Variants in B3GAT3 observed in about 807,000 individuals in gnomAD.
B3GAT3 encodes the protein galactosylgalactosylxylosylprotein 3-beta-glucuronosyltransferase 3.
In B3GAT3, 19 loss-of-function variants were observed where a neutral mutation model predicts 33.1. The observed-to-expected ratio is 0.57, with a 90% CI of 0.40 to 0.84. B3GAT3 has a LOEUF of 0.84. Ranked by LOEUF, B3GAT3 falls within the 40% of genes least tolerant of loss-of-function variation. The pLI, the probability that B3GAT3 is intolerant of heterozygous loss-of-function variation, is 0.00. For missense variants in B3GAT3, 344 were observed against 441.5 expected, an observed-to-expected ratio of 0.78 and a Z score of 1.98; for synonymous variants, 167 against 193.5, an observed-to-expected ratio of 0.86 and a Z score of 1.14.
At chr11:62,616,312 A>G in intron 4 of B3GAT3, 194 bp downstream of exon 4, 1 of 784,282 alleles carries the variant, frequency 1.3e-6, no homozygotes, top group Non-Finnish European at 2.1e-6. Context: ...GGTTCCCAGA[A>G]CTCGGGGCAG....
In B3GAT3 at chr11:62,620,508, G is replaced by A. The variant is rs1378423363; in HGVS notation, c.246C>T (p.Pro82=). 6.2e-7 allele frequency: 1 copy of A among 1,612,148 alleles called. No homozygotes were observed. Among genetic ancestry groups the A allele is most frequent in the East Asian group, 2.2e-5 (1 of 44,880 alleles). Residue 82 remains proline, a synonymous_variant, in exon 2 of 5, where the codon CCC becomes CCT. Coordinates refer to ENST00000265471, the MANE Select transcript of B3GAT3 (RefSeq NM_012200.4). ...EALPTIYVVT[P]TYARLVQKAE... ...ACCAGAGCCCATACCTGGCATAGGT[G>A]GGGGTAACAACATAGATAGTAGGCA... is the stretch of plus-strand genomic sequence containing the variant.
chr11:62,617,367 C>T lies in B3GAT3; in HGVS notation c.258-20G>A, dbSNP rs2134430962. On this transcript the variant is annotated intron_variant, in intron 2 of 4. Transcript: ENST00000265471. ...ACCAGCCTGCAGGGGAGAGATGCAG[C>T]ACAAGGAAAAGGGGCAGGCACCATT... 6.2e-7 allele frequency: 1 copy of T among 1,609,270 alleles called. No individual in the cohort carries two copies. Among genetic ancestry groups the T allele is most frequent in the Non-Finnish European group, 8.5e-7 (1 of 1,179,858 alleles).
At position 62,619,699 on chromosome 11, in the gene B3GAT3, C is replaced by CT. The variant is rs5792264; in HGVS notation, c.257+797dup. On this transcript the variant is annotated intron_variant, in intron 2 of 4. Coordinates refer to ENST00000265471, the MANE Select transcript of B3GAT3 (RefSeq NM_012200.4). ...GGCATGCACCATCACGCCTAGCTAA[C>CT]TTTTTTTTTTTTTTTTTTTTTTTTT... 1.9e-4 allele frequency among the ~76,000 whole-genome samples: 16 copies of CT among 85,712 alleles called. 2 individuals are homozygous for CT. The highest frequency in any genetic ancestry group is 7.4e-4 in the African/African-American group (15 of 20,342). The allele number at this position is 85,712 out of a possible 152,430, so 56.2% of individuals were successfully genotyped here.
chr11:62,615,536 G>T lies in B3GAT3; in HGVS notation c.*165C>A. 1 of 1,294,062 alleles carries T rather than the reference G, an allele frequency of 7.7e-7. No individual in the cohort carries two copies. The allele number at this position is 1,294,062 out of a possible 1,614,324, so 80.2% of individuals were successfully genotyped here. ...GTGGGCAGTGCCACACGGCAGGCTA[G>T]GGGAGGGGTGAAGCAGCAGGACCAT... On this transcript the variant is annotated 3_prime_UTR_variant, in exon 5 of 5. Transcript: ENST00000265471.
At chr11:62,618,848 T>G (rs1282791122) in intron 2 of B3GAT3, among the ~76,000 whole-genome samples, 2 of 151,892 alleles carry the variant, frequency 1.3e-5, no homozygotes, top group Non-Finnish European at 2.9e-5. Flanking sequence ...CCGGGTGTGG[T>G]GGCGCATGCT....
rs766890781 is a variant in B3GAT3 at position 62,617,093 on chromosome 11, C to G, written c.512G>C (p.Arg171Thr). 3 of 1,614,136 alleles carry G rather than the reference C, an allele frequency of 1.9e-6. No homozygotes were observed. Among genetic ancestry groups the G allele is most frequent in the South Asian group, 1.1e-5 (1 of 91,088 alleles). Reference protein sequence around the residue: ...RNKALDWLRGRGGAVGGEKDP... With the variant: ...RNKALDWLRGTGGAVGGEKDP... The stretch of plus-strand genomic sequence containing the variant: ...CTTCTCCCCACCCACAGCACCCCCT[C>G]TGCCCCGGAGCCAGTCCAGGGCCTT... Residue 171 changes from arginine to threonine, a missense_variant, in exon 3 of 5, where the codon AGA becomes ACA. Physicochemically the swap from Arg to Thr is moderately conservative, Grantham distance 71. Coordinates refer to ENST00000265471, the MANE Select transcript of B3GAT3 (RefSeq NM_012200.4).
Position 62,615,526 on chromosome 11 carries a change from C to T in B3GAT3, c.*175G>A, listed in dbSNP as rs554368988. On this transcript the variant is annotated 3_prime_UTR_variant, in exon 5 of 5. Coordinates refer to ENST00000265471, the MANE Select transcript of B3GAT3 (RefSeq NM_012200.4). ...TCCCCAGCCTGTGGGCAGTGCCACACGGCAGGCTAGGGGAGGGGTGAAGCA... is the reference window on the plus strand; with the variant it reads ...TCCCCAGCCTGTGGGCAGTGCCACATGGCAGGCTAGGGGAGGGGTGAAGCA... 10 of 1,224,800 alleles carry T rather than the reference C, an allele frequency of 8.2e-6. No individual in the cohort carries two copies. Among genetic ancestry groups the T allele is most frequent in the East Asian group, 2.6e-5 (1 of 39,196 alleles). The allele number at this position is 1,224,800 out of a possible 1,614,324, so 75.9% of individuals were successfully genotyped here.
Position 62,616,070 on chromosome 11 carries a change from C to T in B3GAT3, c.910-271G>A, listed in dbSNP as rs559955740. The T allele has an allele frequency of 6.8e-5, 67 of 991,800 alleles. No individual in the cohort carries two copies. The East Asian group carries it at 1.0e-3, about 15-fold the overall frequency. The allele number at this position is 991,800 out of a possible 1,614,324, so 61.4% of individuals were successfully genotyped here. The stretch of plus-strand genomic sequence containing the variant: ...CATCCTGGCTAACACCGTGAAACCC[C>T]GTCACTACTAAAAACACAAAAAAAT... On this transcript the variant is annotated intron_variant, in intron 4 of 4. Coordinates refer to ENST00000265471, the MANE Select transcript of B3GAT3 (RefSeq NM_012200.4).
intron 1 of B3GAT3, among the ~76,000 whole-genome samples, 200 bp downstream of exon 1, chr11:62,621,666 G>C (rs546363554): frequency 6.6e-6 from 1 of 152,356 alleles, no homozygotes; most frequent in African/African-American, 2.4e-5. Context: ...TGCAGGCTCT[G>C]GGAAGGAGTC....
At position 62,621,963 on chromosome 11, in the gene B3GAT3, C is replaced by T. The variant is rs1176449987; in HGVS notation, c.-16G>A. On this transcript the variant is annotated 5_prime_UTR_variant, in exon 1 of 5. Transcript: ENST00000265471. ...TCAGCTTCATGGCCGCGCCGCCGCC[C>T]GCGCCCGAGCAGGCGGGGTCTGCAG... The T allele has an allele frequency of 2.5e-6, 4 of 1,612,566 alleles. No homozygotes were observed. Among genetic ancestry groups the T allele is most frequent in the Non-Finnish European group, 3.4e-6 (4 of 1,179,210 alleles).
In B3GAT3 at chr11:62,617,315, G is replaced by A. The variant is rs576173736; in HGVS notation, c.290C>T (p.Ser97Phe). The change falls in exon 3 of 5, where the codon TCC becomes TTC. Residue 97 changes from serine (S) to phenylalanine (F), a missense_variant. Coordinates refer to ENST00000265471, the MANE Select transcript of B3GAT3 (RefSeq NM_012200.4). ...LVQKAELVRL[S>F]QTLSLVPRLH... is the part of the protein sequence containing the mutation. ...CCGGGGCACCAGGCTCAGTGTCTGGGACAGTCGTACCAGCTCTGCCTTCTG... is the reference window on the plus strand; with the variant it reads ...CCGGGGCACCAGGCTCAGTGTCTGGAACAGTCGTACCAGCTCTGCCTTCTG... The A allele has an allele frequency of 3.7e-5, 60 of 1,613,164 alleles. No homozygotes were observed. The highest frequency in any genetic ancestry group is 5.0e-5 in the Non-Finnish European group (59 of 1,180,016).
At chr11:62,617,922 T>G (rs1331472859) in intron 2 of B3GAT3, among the ~76,000 whole-genome samples, 1 of 149,390 alleles carries the variant, frequency 6.7e-6, no homozygotes, top group Non-Finnish European at 1.5e-5. Flanking sequence ...ACGCCTATAA[T>G]CCCAGCACTT....
At position 62,617,352 on chromosome 11, in the gene B3GAT3, AG is replaced by A. The variant is rs765100726; in HGVS notation, c.258-6del. ...AGCTCTGCCTTCTGTACCAGCCTGC[AG>A]GGGAGAGATGCAGCACAAGGAAAAG... On this transcript the variant is annotated splice_polypyrimidine_tract_variant and splice_region_variant and intron_variant, in intron 2 of 4. Coordinates refer to ENST00000265471, the MANE Select transcript of B3GAT3 (RefSeq NM_012200.4). 6.2e-7 allele frequency: 1 copy of A among 1,611,314 alleles called. No individual in the cohort carries two copies. Among genetic ancestry groups the A allele is most frequent in the Admixed American group, 1.7e-5 (1 of 60,010 alleles).
chr11:62,615,611 G>C lies in B3GAT3; in HGVS notation c.*90C>G, dbSNP rs1270793958. The C allele has an allele frequency of 6.5e-6, 10 of 1,547,982 alleles. No individual in the cohort carries two copies. Among genetic ancestry groups the C allele is most frequent in the Non-Finnish European group, 8.7e-6 (10 of 1,149,854 alleles). On this transcript the variant is annotated 3_prime_UTR_variant, in exon 5 of 5. Transcript: ENST00000265471. ...GGCCACTTCTGGCTCCAAGGGTCAG[G>C]ACTTGGAAAACCACATCCTGGGCAG...
Position 62,615,470 on chromosome 11 carries a change from GGCCAACCTGACT to G in B3GAT3, c.*219_*230del, listed in dbSNP as rs1943003183. On this transcript the variant is annotated 3_prime_UTR_variant, in exon 5 of 5. Coordinates refer to ENST00000265471, the MANE Select transcript of B3GAT3 (RefSeq NM_012200.4). The stretch of plus-strand genomic sequence containing the variant: ...TGTCCTTCTGTTCCACCCTAGACAG[GGCCAACCTGACT>G]CAACACAAGGGCTGCTTGTCCCCAG... 2.7e-6 allele frequency: 2 copies of G among 749,564 alleles called. No individual in the cohort carries two copies. Among genetic ancestry groups the G allele is most frequent in the Admixed American group, 5.2e-5 (2 of 38,442 alleles). 46.4% of individuals were successfully genotyped at this position (749,564 alleles called of 1,614,324 possible).
chr11:62,617,322 G>A lies in B3GAT3; in HGVS notation c.283C>T (p.Arg95Ter), dbSNP rs750685646. 3.7e-6 allele frequency: 6 copies of A among 1,612,920 alleles called. No individual in the cohort carries two copies. The South Asian group carries it at 4.4e-5, about 12-fold the overall frequency. ...ACCAGGCTCAGTGTCTGGGACAGTCGTACCAGCTCTGCCTTCTGTACCAGC... is the reference window on the plus strand; with the variant it reads ...ACCAGGCTCAGTGTCTGGGACAGTCATACCAGCTCTGCCTTCTGTACCAGC... ...ARLVQKAELV[R>*]LSQTLSLVPR... is the part of the protein sequence containing the mutation. The change falls in exon 3 of 5, where the codon CGA (arginine) becomes TGA (stop). Residue 95 changes from arginine to a stop codon, truncating the protein, a stop_gained. Coordinates refer to ENST00000265471, the MANE Select transcript of B3GAT3 (RefSeq NM_012200.4). LOFTEE classifies it high-confidence loss of function.
At chr11:62,617,835 C>T (rs1024449220) in intron 2 of B3GAT3, among the ~76,000 whole-genome samples, 1 of 150,250 alleles carries the variant, frequency 6.7e-6, no homozygotes, top group African/African-American at 2.5e-5. Flanking sequence ...TGAGATCGCA[C>T]CATTTCACTC....
At chr11:62,617,768 T>C (rs557407556) in intron 2 of B3GAT3, among the ~76,000 whole-genome samples, 1 of 151,892 alleles carries the variant, frequency 6.6e-6, no homozygotes, top group East Asian at 1.9e-4. Context: ...TCTCAGCTAC[T>C]TGGGAGGCTG....
chr11:62,620,405 A>C, intron 2 of B3GAT3, 92 bp downstream of exon 2: 1 of 1,218,482 alleles, frequency 8.2e-7, no homozygotes, highest in Non-Finnish European at 1.2e-6. Flanking sequence ...AGTTTGAGGA[A>C]CAACTCCTAG....
Sources: gnomAD v4.1 joint callset for allele counts (sites outside exome capture counted in the v4.1 genomes callset) on GRCh38, gnomAD v4.1.1 for gene constraint, MANE v1.5 for transcripts, NCBI Gene and HGNC (gene_info 2026-07-23, HGNC 2026-07-21) for gene names.